Variants in CHN1 observed in about 807,000 individuals in gnomAD.
CHN1 encodes the protein N-chimaerin.
In CHN1, 37 loss-of-function variants were observed where a neutral mutation model predicts 59.5. That is an observed-to-expected ratio of 0.62 (90% CI 0.48 to 0.82). The LOEUF (loss-of-function observed/expected upper bound fraction) is 0.82. CHN1 is among the 40% of genes least tolerant of loss of function. The probability of loss-of-function intolerance (pLI) is 0.00; values close to 1 mark genes in which losing one functional copy is unlikely to be tolerated. For synonymous variants in CHN1, 206 were observed against 200.4 expected, an observed-to-expected ratio of 1.03 and a Z score of -0.24; for missense variants, 469 against 571.0, an observed-to-expected ratio of 0.82 and a Z score of 1.82.
At chr2:174,930,126 C>A (rs1401235792) in intron 3 of CHN1, among the ~76,000 whole-genome samples, 1 of 152,134 alleles carries the variant, frequency 6.6e-6, no homozygotes, top group African/African-American at 2.4e-5. Flanking sequence ...TTTTTTATAC[C>A]AGCAGATATA....
chr2:174,836,349 AC>A (rs1255094898), intron 7 of CHN1, among the ~76,000 whole-genome samples: 1 of 152,228 alleles, frequency 6.6e-6, no homozygotes, highest in Non-Finnish European at 1.5e-5. Flanking sequence ...TTCCATCATG[AC>A]CAAAAGTAGA....
intron 11 of CHN1, among the ~76,000 whole-genome samples, chr2:174,806,141 G>A (rs916729683): frequency 2.6e-5 from 4 of 152,280 alleles, no homozygotes; most frequent in Admixed American, 2.6e-4. Context: ...GAGGGAGTAA[G>A]GAAGGTGGGG....
rs116620607 is a variant in CHN1, at chr2:174,945,160, G to A, written c.59-217C>T. 2.3e-3 allele frequency: 1,240 copies of A among 531,936 alleles called. 17 individuals are homozygous for A. The highest frequency in any genetic ancestry group is 0.022 in the African/African-American group (1,138 of 51,960). The allele number at this position is 531,936 out of a possible 1,614,324, so 33.0% of individuals were successfully genotyped here. A position where few individuals can be genotyped will look rare whatever the true frequency, so the allele number is the denominator to read the frequency against. The stretch of plus-strand genomic sequence containing the variant: ...CAGAAAAATCATAATCCAAACAAGT[G>A]TCTTTTTACCTTATAACAAGTCAGT... On this transcript the variant is annotated intron_variant, in intron 2 of 12. Coordinates refer to ENST00000409900, the MANE Select transcript of CHN1 (RefSeq NM_001822.7).
At chr2:174,882,542 A>G (rs971456645) in intron 5 of CHN1, among the ~76,000 whole-genome samples, 1 of 152,226 alleles carries the variant, frequency 6.6e-6, no homozygotes, top group Non-Finnish European at 1.5e-5. Context: ...ATTAATTCTA[A>G]TTTGAGGCCA....
At chr2:174,880,999 T>C (rs1404689224) in intron 5 of CHN1, among the ~76,000 whole-genome samples, 1 of 150,978 alleles carries the variant, frequency 6.6e-6, no homozygotes, top group Non-Finnish European at 1.5e-5. Context: ...TGAGCCAAGA[T>C]TGCACCATTG....
At chr2:174,959,527 C>T (rs1482317522) in intron 1 of CHN1, among the ~76,000 whole-genome samples, 2 of 152,126 alleles carry the variant, frequency 1.3e-5, no homozygotes, top group East Asian at 3.9e-4. Flanking sequence ...TTCCAGGACG[C>T]TAAATCTTCC....
At chr2:174,998,535 C>A (rs1001768620) in intron 1 of CHN1, among the ~76,000 whole-genome samples, 6 of 152,000 alleles carry the variant, frequency 3.9e-5, no homozygotes, top group Non-Finnish European at 7.4e-5. Flanking sequence ...CCAAAGGAAT[C>A]GAAAGGTCAG....
At chr2:174,992,315 T>TA (rs971379825) in intron 1 of CHN1, among the ~76,000 whole-genome samples, 1 of 152,056 alleles carries the variant, frequency 6.6e-6, no homozygotes, top group African/African-American at 2.4e-5. Context: ...TGGAGATAGA[T>TA]AAAAGACTTG....
At chr2:174,839,579 A>C (rs1257904914) in intron 7 of CHN1, among the ~76,000 whole-genome samples, 2 of 152,068 alleles carry the variant, frequency 1.3e-5, no homozygotes, top group African/African-American at 4.8e-5. Context: ...CCTTTACTTA[A>C]CAATACTGTG....
chr2:174,804,908 A>G (rs1251680400), intron 11 of CHN1, among the ~76,000 whole-genome samples: 1 of 152,226 alleles, frequency 6.6e-6, no homozygotes, highest in African/African-American at 2.4e-5. Context: ...AAATGACAAA[A>G]TGCACTGAAT....
At chr2:174,935,222 A>G (rs1689461780) in intron 3 of CHN1, among the ~76,000 whole-genome samples, 1 of 152,172 alleles carries the variant, frequency 6.6e-6, no homozygotes, top group Non-Finnish European at 1.5e-5. Context: ...GCACTAAGTA[A>G]AGGTTGAGCT....
chr2:174,876,745 T>C (rs915683496), intron 6 of CHN1, among the ~76,000 whole-genome samples: 3 of 152,218 alleles, frequency 2.0e-5, no homozygotes, highest in Non-Finnish European at 4.4e-5. Flanking sequence ...TATTTGAGGA[T>C]GCTGCCTTGA....
chr2:174,833,911 C>T (rs1257438600), intron 7 of CHN1, among the ~76,000 whole-genome samples: 1 of 152,072 alleles, frequency 6.6e-6, no homozygotes, highest in Non-Finnish European at 1.5e-5. Flanking sequence ...CTCACCTCAG[C>T]CTCTTACGCA....
chr2:174,918,492 A>G (rs755216108), intron 4 of CHN1, 42 bp downstream of exon 4: 4 of 1,483,682 alleles, frequency 2.7e-6, no homozygotes, highest in South Asian at 2.5e-5. Flanking sequence ...TCTGTCTTAC[A>G]TATGCCAATC....
intron 11 of CHN1, 56 bp downstream of exon 11, chr2:174,808,849 G>T: frequency 6.3e-7 from 1 of 1,579,592 alleles, no homozygotes; most frequent in Non-Finnish European, 8.7e-7. Context: ...AAACCAGGAA[G>T]GTGATTACCA....
Position 174,859,704 on chromosome 2 carries a change from C to T in CHN1, c.550-12747G>A, listed in dbSNP as rs548409856. On this transcript the variant is annotated intron_variant, in intron 6 of 12. Coordinates refer to ENST00000409900, the MANE Select transcript of CHN1 (RefSeq NM_001822.7). ...TCAGGGCAGATAGTAAGCAAAGCAGCCAAGATGGAAACCAGGCCTTCTGAC... is the reference window on the plus strand; with the variant it reads ...TCAGGGCAGATAGTAAGCAAAGCAGTCAAGATGGAAACCAGGCCTTCTGAC... Among the ~76,000 whole-genome samples, 10 of 152,232 alleles carry T rather than the reference C, an allele frequency of 6.6e-5. 1 individual carries two copies. The South Asian group carries it at 2.1e-3, about 32-fold the overall frequency.
chr2:174,927,842 G>C (rs1456193260), intron 3 of CHN1, among the ~76,000 whole-genome samples: 1 of 152,182 alleles, frequency 6.6e-6, no homozygotes, highest in Admixed American at 6.5e-5. Context: ...TAGTCTGGAA[G>C]TCTATATGAT....
chr2:174,855,564 T>C (rs1210399380), intron 6 of CHN1, among the ~76,000 whole-genome samples: 1 of 152,176 alleles, frequency 6.6e-6, no homozygotes. Flanking sequence ...AATTATAATA[T>C]GTAACCTATT....
intron 5 of CHN1, among the ~76,000 whole-genome samples, chr2:174,879,367 C>A (rs1343186364): frequency 6.6e-6 from 1 of 152,156 alleles, no homozygotes; most frequent in African/African-American, 2.4e-5. Flanking sequence ...ACTTTAATAA[C>A]AATTTAATCT....
Sources: gnomAD v4.1 joint callset for allele counts (sites outside exome capture counted in the v4.1 genomes callset) on GRCh38, gnomAD v4.1.1 for gene constraint, MANE v1.5 for transcripts, NCBI Gene and HGNC (gene_info 2026-07-23, HGNC 2026-07-21) for gene names.